Variants in LAMC3 observed in about 807,000 individuals in gnomAD.
LAMC3 encodes laminin subunit gamma 3.
In LAMC3, 128 loss-of-function variants were observed where a neutral mutation model predicts 173.8. That is an observed-to-expected ratio of 0.74 (90% CI 0.64 to 0.85). The LOEUF is 0.85. LAMC3 is among the 40% of genes least tolerant of loss of function. The pLI is 0.00. For synonymous variants in LAMC3, 897 were observed against 909.1 expected (o/e 0.99, Z 0.24); for missense variants, 2,022 against 2,156.0 (o/e 0.94, Z 1.23).
At chr9:131,079,100 G>A in intron 22 of LAMC3, 49 bp from the exon 23 acceptor site, 2 of 1,600,418 alleles carry the variant, frequency 1.2e-6, no homozygotes, top group East Asian at 2.3e-5. Context: ...AGGATCCGCT[G>A]CTTGCCCTTC....
At chr9:131,071,723 C>G in intron 18 of LAMC3, 98 bp downstream of exon 18, 1 of 1,313,262 alleles carries the variant, frequency 7.6e-7, no homozygotes, top group South Asian at 1.6e-5. Context: ...CCTCCCAAAA[C>G]AGCCCTGTTG....
Position 131,075,894 on chromosome 9 carries a change from C to A in LAMC3, c.3558C>A (p.Thr1186=). 6.2e-7 allele frequency: 1 copy of A among 1,612,580 alleles called. No homozygotes were observed. The highest frequency in any genetic ancestry group is 8.5e-7 in the Non-Finnish European group (1 of 1,179,228). Residue 1186 remains threonine (T), a synonymous_variant, in exon 21 of 28, where the codon ACC becomes ACA. Transcript: ENST00000361069. The part of the protein sequence containing the change: ...TAWRALLASN[T]SYALLWNLLE... ...GGAGGGCCCTGCTCGCCTCCAACACCAGCTACGCGCTTCTCTGGAATCTGC... is the reference window on the plus strand; with the variant it reads ...GGAGGGCCCTGCTCGCCTCCAACACAAGCTACGCGCTTCTCTGGAATCTGC...
chr9:131,012,784 A>T (rs1018794168), intron 1 of LAMC3, among the ~76,000 whole-genome samples: 1 of 152,160 alleles, frequency 6.6e-6, no homozygotes, highest in Admixed American at 6.5e-5. Flanking sequence ...GCTCATGGGA[A>T]GGGAGAGTGG....
At chr9:131,039,487 C>T (rs1008477822) in intron 6 of LAMC3, among the ~76,000 whole-genome samples, 3 of 151,906 alleles carry the variant, frequency 2.0e-5, no homozygotes, top group African/African-American at 7.3e-5. Flanking sequence ...GGAGGGCAGG[C>T]TTCCTGTAGG....
chr9:131,032,221 A>G (rs1265553576), intron 3 of LAMC3, 46 bp downstream of exon 3: 1 of 643,260 alleles, frequency 1.6e-6, no homozygotes, highest in Non-Finnish European at 2.6e-6. Flanking sequence ...CAGGACCCAA[A>G]CCCGAGAGCG....
intron 1 of LAMC3, among the ~76,000 whole-genome samples, chr9:131,022,425 G>A (rs1443334276): frequency 6.6e-6 from 1 of 151,884 alleles, no homozygotes; most frequent in Admixed American, 6.6e-5. Flanking sequence ...AACATACATA[G>A]TATATATAAC....
At chr9:131,015,390 A>C (rs1588135533) in intron 1 of LAMC3, among the ~76,000 whole-genome samples, 1 of 151,124 alleles carries the variant, frequency 6.6e-6, no homozygotes, top group African/African-American at 2.4e-5. Flanking sequence ...TGCTTGGTCT[A>C]CCTCCCTTCC....
At chr9:131,045,436 T>A in intron 7 of LAMC3, 88 bp from the exon 8 acceptor site, 1 of 1,466,774 alleles carries the variant, frequency 6.8e-7, no homozygotes, top group Non-Finnish European at 9.5e-7. Flanking sequence ...GATTCTAGAC[T>A]CTCATTGGTC....
Position 131,068,172 on chromosome 9 carries a change from G to C in LAMC3, c.2688G>C (p.Arg896=). ...CCTGCCTGCCTCATGTGACTGCACG[G>C]GACTGCAGCCGCTGCTACCCTGGCT... ...QCSCLPHVTA[R]DCSRCYPGFF... The change falls in exon 15 of 28, where the codon CGG becomes CGC. Residue 896 remains arginine, a synonymous_variant. Coordinates refer to ENST00000361069, the MANE Select transcript of LAMC3 (RefSeq NM_006059.4). 1 of 1,613,212 alleles carries C rather than the reference G, an allele frequency of 6.2e-7. No individual in the cohort carries two copies. Among genetic ancestry groups the C allele is most frequent in the South Asian group, 1.1e-5 (1 of 91,088 alleles).
rs755266023 is a variant in LAMC3, at chr9:131,045,557, C to A, written c.1416C>A (p.His472Gln). 2.5e-6 allele frequency: 4 copies of A among 1,613,920 alleles called. No homozygotes were observed. The East Asian group carries it at 8.9e-5, about 36-fold the overall frequency. The change falls in exon 8 of 28, where the codon CAC becomes CAA. Residue 472 changes from histidine to glutamine, a missense_variant. Physicochemically the swap from His to Gln is conservative, Grantham distance 24. Transcript: ENST00000361069. Reference protein sequence around the residue: ...CRPGTFNLQPHNPAGCSSCFC... With the variant: ...CRPGTFNLQPQNPAGCSSCFC... ...CGGGGACCTTTAACCTGCAGCCCCA[C>A]AATCCAGCTGGCTGCAGCAGCTGTT...
intron 14 of LAMC3, 133 bp from the exon 15 acceptor site, chr9:131,067,945 G>T: frequency 1.0e-6 from 1 of 967,336 alleles, no homozygotes. Context: ...TCCAGCAGTG[G>T]CGTCTGAATC....
Position 131,039,117 on chromosome 9 carries a change from C to T in LAMC3, c.1166-14C>T. ...TTTCCTGGCCTCAATTGCCCTGTGC[C>T]CTTCCTCTCCCAGGCTCCCTACACC... On this transcript the variant is annotated splice_polypyrimidine_tract_variant and intron_variant, in intron 5 of 27. Transcript: ENST00000361069. 1 of 1,611,638 alleles carries T rather than the reference C, an allele frequency of 6.2e-7. No individual in the cohort carries two copies. The highest frequency in any genetic ancestry group is 8.5e-7 in the Non-Finnish European group (1 of 1,179,940).
intron 8 of LAMC3, among the ~76,000 whole-genome samples, chr9:131,046,518 ATTTTTTTTTTTT>A (rs71501242): frequency 4.1e-5 from 2 of 49,172 alleles, no homozygotes; most frequent in East Asian, 6.8e-4. Context: ...TAATTTTTGT[ATTTTTTTTTTTT>A]TTTTTTTTTT....
chr9:131,058,518 C>T (rs184087769), intron 12 of LAMC3, among the ~76,000 whole-genome samples: 139 of 152,226 alleles, frequency 9.1e-4, no homozygotes, highest in South Asian at 2.1e-4. Context: ...CCCACACTGA[C>T]GGCTTCATGC....
At chr9:131,048,702 T>C (rs977803426) in intron 8 of LAMC3, among the ~76,000 whole-genome samples, 3 of 152,064 alleles carry the variant, frequency 2.0e-5, no homozygotes, top group Non-Finnish European at 4.4e-5. Context: ...AAGGACAGGG[T>C]TCATGAGGTC....
At position 131,046,155 on chromosome 9, in the gene LAMC3, AT is replaced by A. The variant is rs370789629; in HGVS notation, c.1519+498del. On this transcript the variant is annotated intron_variant, in intron 8 of 27. Coordinates refer to ENST00000361069, the MANE Select transcript of LAMC3 (RefSeq NM_006059.4). Reference sequence around the variant, plus strand: ...GCCACATAACAGTTGTGAGCACTGCATTTGTCAGCTCCTGAGTTTTGCTCCT... The same window carrying A: ...GCCACATAACAGTTGTGAGCACTGCATTGTCAGCTCCTGAGTTTTGCTCCT... 2.3e-4 allele frequency among the ~76,000 whole-genome samples: 30 copies of A among 130,128 alleles called. No homozygotes were observed. In the South Asian group the frequency reaches 7.0e-3, roughly 30 times the overall value. The allele number at this position is 130,128 out of a possible 152,430, so 85.4% of individuals were successfully genotyped here.
rs1244541753 is a variant in LAMC3, at chr9:131,061,151, G to A, written c.2275G>A (p.Gly759Ser). 1 of 1,613,076 alleles carries A rather than the reference G, an allele frequency of 6.2e-7. No individual in the cohort carries two copies. The highest frequency in any genetic ancestry group is 1.1e-5 in the South Asian group (1 of 91,086). ...ADDCQPCPCP[G>S]QSACTTIPES... ...CGACTGCCAGCCCTGTCCCTGCCCT[G>A]GCCAGTCGGCCTGTACGACCATCCC... is the stretch of plus-strand genomic sequence containing the variant. The change falls in exon 13 of 28, where the codon GGC becomes AGC. Residue 759 changes from glycine (G) to serine (S), a missense_variant. By Grantham distance (56) the Gly-to-Ser change is moderately conservative. Transcript: ENST00000361069.
At chr9:131,070,101 G>A (rs779801628) in intron 17 of LAMC3, among the ~76,000 whole-genome samples, 3 of 152,210 alleles carry the variant, frequency 2.0e-5, no homozygotes, top group South Asian at 2.1e-4. Context: ...TCCCCACCAC[G>A]CCAGGCTGGG....
Position 131,039,202 on chromosome 9 carries a change from G to A in LAMC3, c.1237G>A (p.Asp413Asn). ...GCCCACGGTGACTGGCTGGAAGTGT[G>A]ACCGCTGTCTGCCCGGGTTCCACTC... ...CKPTVTGWKC[D>N]RCLPGFHSLS... The change falls in exon 6 of 28, where the codon GAC becomes AAC. Residue 413 changes from aspartate (D) to asparagine (N), a missense_variant. Coordinates refer to ENST00000361069, the MANE Select transcript of LAMC3 (RefSeq NM_006059.4). 1 of 1,608,796 alleles carries A rather than the reference G, an allele frequency of 6.2e-7. No homozygotes were observed. The highest frequency in any genetic ancestry group is 1.3e-5 in the African/African-American group (1 of 75,042).
Sources: gnomAD v4.1 joint callset for allele counts (sites outside exome capture counted in the v4.1 genomes callset) on GRCh38, gnomAD v4.1.1 for gene constraint, MANE v1.5 for transcripts, NCBI Gene and HGNC (gene_info 2026-07-23, HGNC 2026-07-21) for gene names.